The following CCDC22 variants were observed in gnomAD, a reference collection of about 807,000 sequenced individuals.
The protein encoded by CCDC22 is CCC complex scaffolding subunit CCDC22.
In CCDC22, 4 loss-of-function variants were observed where a neutral mutation model predicts 53.1. The ratio of observed to expected loss-of-function variants is 0.08; its 90% CI spans 0.04 to 0.17. CCDC22 has a LOEUF of 0.17. CCDC22 is among the 10% of genes least tolerant of loss of function. The pLI, the probability that CCDC22 is intolerant of heterozygous loss-of-function variation, is 1.00. For missense variants in CCDC22, 458 were observed against 554.0 expected, an observed-to-expected ratio of 0.83 and a Z score of 1.74; for synonymous variants, 222 against 224.4, an observed-to-expected ratio of 0.99 and a Z score of 0.10.
intron 6 of CCDC22, 77 bp downstream of exon 6, chrX:49,243,539 C>A: frequency 1.2e-6 from 1 of 810,828 alleles, no homozygotes; most frequent in Non-Finnish European, 1.7e-6. Flanking sequence ...GCTCTCCTTC[C>A]CCACTTTGTC....
intron 3 of CCDC22, chrX:49,242,423 C>G: frequency 1.8e-6 from 1 of 563,746 alleles, no homozygotes; most frequent in Non-Finnish European, 2.2e-6. Flanking sequence ...TCACTTCGCT[C>G]TAACCACTTG....
At position 49,243,460 on chromosome X, in the gene CCDC22, C is replaced by A; in HGVS notation, c.712C>A (p.Gln238Lys). 8.6e-7 allele frequency: 1 copy of A among 1,158,432 alleles called. No individual in the cohort carries two copies. Among genetic ancestry groups the A allele is most frequent in the East Asian group, 3.1e-5 (1 of 31,767 alleles). The change falls in exon 6 of 17, where the codon CAG (glutamine) becomes AAG (lysine). Residue 238 changes from glutamine (Q) to lysine (K), a missense_variant and splice_region_variant. Around this residue, in one of 4 missense-constraint regions of CCDC22, gnomAD observed 309 missense variants for 312.3 expected, o/e 0.99. Transcript: ENST00000376227. ...WVHRTSRLPP[Q>K]EDTRAQRQRL... ...CCACCGGACATCCCGCCTCCCACCC[C>A]AGGTACAGCCAGATGCCTGGCTCCC...
chrX:49,248,701 G>C lies in CCDC22; in HGVS notation c.1398G>C (p.Glu466Asp), dbSNP rs1557114808. 2.5e-6 allele frequency: 3 copies of C among 1,208,878 alleles called. No homozygotes were observed. The highest frequency in any genetic ancestry group is 3.4e-6 in the Non-Finnish European group (3 of 894,844). ...LHQSVRAAAEEARRKEEVYKQ... is the reference protein window; with the variant it reads ...LHQSVRAAAEDARRKEEVYKQ... Reference sequence around the variant, plus strand: ...AGAGTGTCCGGGCGGCTGCTGAAGAGGCCCGCAGGAAGGAGGAGGTCTATA... The same window carrying C: ...AGAGTGTCCGGGCGGCTGCTGAAGACGCCCGCAGGAAGGAGGAGGTCTATA... The change falls in exon 12 of 17, where the codon GAG (glutamate) becomes GAC (aspartate). Residue 466 changes from glutamate (E) to aspartate (D), a missense_variant. Physicochemically the swap from Glu to Asp is conservative, Grantham distance 45. Around this residue, in one of 4 missense-constraint regions of CCDC22, gnomAD observed 309 missense variants for 312.3 expected, o/e 0.99. Coordinates refer to ENST00000376227, the MANE Select transcript of CCDC22 (RefSeq NM_014008.5).
At chrX:49,243,591 TC>T (rs2065975027) in intron 6 of CCDC22, 129 bp downstream of exon 6, 2 of 523,389 alleles carry the variant, frequency 3.8e-6, no homozygotes, top group South Asian at 7.3e-5. Flanking sequence ...CTTACCTAGC[TC>T]CCCACCTGAA....
In CCDC22 at chrX:49,246,731, G is replaced by A. The variant is rs199809018; in HGVS notation, c.715G>A (p.Glu239Lys). The A allele has an allele frequency of 2.7e-3, 3,068 of 1,143,827 alleles. 11 individuals are homozygous for A. Among genetic ancestry groups the A allele is most frequent in the Non-Finnish European group, 3.4e-3 (2,900 of 861,293 alleles). The allele number at this position is 1,143,827 out of a possible 1,213,427, so 94.3% of individuals were successfully genotyped here. ...TGCTTCCCCCGCCTTTTCTCCCCAG[G>A]AGGACACACGGGCTCAGCGGCAGCG... ...VHRTSRLPPQ[E>K]DTRAQRQRLQ... is the part of the protein sequence containing the mutation. Residue 239 changes from glutamate to lysine, a missense_variant and splice_region_variant, in exon 7 of 17, where the codon GAG becomes AAG. By Grantham distance (56) the Glu-to-Lys change is moderately conservative. Transcript: ENST00000376227.
At position 49,235,575 on chromosome X, in the gene CCDC22, C is replaced by G. The variant is rs2065931859; in HGVS notation, c.-62C>G. The G allele has an allele frequency of 9.8e-7, 1 of 1,015,842 alleles. No homozygotes were observed. The highest frequency in any genetic ancestry group is 1.9e-5 in the African/African-American group (1 of 52,768). 83.7% of individuals were successfully genotyped at this position (1,015,842 alleles called of 1,213,427 possible). A position where few individuals can be genotyped will look rare whatever the true frequency, so the allele number is the denominator to read the frequency against. ...CGAGCACGGAGCAGGGTTTCTACAG[C>G]TGCTCCCCACTTTCTCGGACCCGGT... On this transcript the variant is annotated 5_prime_UTR_variant, in exon 1 of 17. Coordinates refer to ENST00000376227, the MANE Select transcript of CCDC22 (RefSeq NM_014008.5).
intron 6 of CCDC22, 116 bp downstream of exon 6, chrX:49,243,578 G>A: frequency 1.7e-6 from 1 of 596,701 alleles, no homozygotes; most frequent in Non-Finnish European, 2.5e-6. Context: ...CCCTCTGTGT[G>A]TGCTTACCTA....
At chrX:49,239,901 T>G (rs1412600750) in intron 2 of CCDC22, among the ~76,000 whole-genome samples, 1 of 110,049 alleles carries the variant, frequency 9.1e-6, no homozygotes, top group East Asian at 2.8e-4. Context: ...TTCACCTGCT[T>G]TTGCTTACAT....
chrX:49,248,858 G>T lies in CCDC22; in HGVS notation c.1473G>T (p.Leu491=). The change falls in exon 13 of 17, where the codon CTG becomes CTT. Residue 491 remains leucine, a synonymous_variant. Transcript: ENST00000376227. The stretch of plus-strand genomic sequence containing the variant: ...CTCTGCCCAGAGATGTGTCCCGGCT[G>T]GCCTACACCCAGCGCATCCTGGAGA... The part of the protein sequence containing the change: ...LETLPRDVSR[L]AYTQRILEIV... The T allele has an allele frequency of 8.3e-7, 1 of 1,211,191 alleles. No individual in the cohort carries two copies. The highest frequency in any genetic ancestry group is 1.1e-6 in the Non-Finnish European group (1 of 895,350).
chrX:49,247,794 G>A lies in CCDC22; in HGVS notation c.1092+26G>A, dbSNP rs201135855. 6.4e-5 allele frequency: 77 copies of A among 1,207,129 alleles called. No individual in the cohort carries two copies. In the East Asian group the frequency reaches 6.5e-4, roughly 10 times the overall value. On this transcript the variant is annotated intron_variant, in intron 9 of 16. Transcript: ENST00000376227. ...GTAAGGGGCGGAGGAGGGGCTGCGC[G>A]TTGGGCTAGGTCAGAAGGAGGGCCT...
Position 49,242,051 on chromosome X carries a change from C to T in CCDC22, c.264C>T (p.Asn88=). 8.3e-7 allele frequency: 1 copy of T among 1,210,939 alleles called. No individual in the cohort carries two copies. Among genetic ancestry groups the T allele is most frequent in the Non-Finnish European group, 1.1e-6 (1 of 895,118 alleles). ...LGYPLELGYQ[N]FLYPSEPDLR... is the part of the protein sequence containing the mutation. ...ATCCCTTGGAGCTTGGCTATCAGAA[C>T]TTCCTCTACCCCAGTGAGCCTGACC... is the stretch of plus-strand genomic sequence containing the variant. Residue 88 remains asparagine, a synonymous_variant, in exon 3 of 17, where the codon AAC becomes AAT. Transcript: ENST00000376227.
chrX:49,242,927 C>A lies in CCDC22; in HGVS notation c.403C>A (p.Arg135=). 1 of 1,170,081 alleles carries A rather than the reference C, an allele frequency of 8.5e-7. No individual in the cohort carries two copies. The highest frequency in any genetic ancestry group is 1.1e-6 in the Non-Finnish European group (1 of 873,349). The part of the protein sequence containing the change: ...ILLRAIGSQI[R]DQLALPWVPP... ...CCTCCGGGCCATTGGGAGCCAAATT[C>A]GGGACCAGCTGGCACTGCCTTGGGT... The change falls in exon 4 of 17, where the codon CGG becomes AGG. Residue 135 remains arginine (R), a synonymous_variant. Coordinates refer to ENST00000376227, the MANE Select transcript of CCDC22 (RefSeq NM_014008.5).
rs1557112523 is a variant in CCDC22 at position 49,235,645 on chromosome X, G to A, written c.9G>A (p.Glu3=). The change falls in exon 1 of 17, where the codon GAG becomes GAA. Residue 3 remains glutamate, a synonymous_variant. Transcript: ENST00000376227. ...TCCGACACGGCTCCACCATGGAGGA[G>A]GCGGACCGAATCCTCATCCATTCGC... The part of the protein sequence containing the change: ME[E]ADRILIHSLR... 1 of 1,182,710 alleles carries A rather than the reference G, an allele frequency of 8.5e-7. No homozygotes were observed. Among genetic ancestry groups the A allele is most frequent in the Admixed American group, 2.4e-5 (1 of 41,952 alleles).
At chrX:49,243,517 C>T (rs1236470423) in intron 6 of CCDC22, 55 bp downstream of exon 6, 16 of 963,861 alleles carry the variant, frequency 1.7e-5, no homozygotes, top group South Asian at 1.2e-4. Context: ...CTGACACTCC[C>T]GCTGGTCCTC....
In CCDC22 at chrX:49,248,717, G is replaced by A. The variant is rs1557114815; in HGVS notation, c.1414G>A (p.Glu472Lys). Residue 472 changes from glutamate (E) to lysine (K), a missense_variant, in exon 12 of 17, where the codon GAG (glutamate) becomes AAG (lysine). Physicochemically the swap from Glu to Lys is moderately conservative, Grantham distance 56. Coordinates refer to ENST00000376227, the MANE Select transcript of CCDC22 (RefSeq NM_014008.5). Reference protein sequence around the residue: ...AAAEEARRKEEVYKQLMSELE... With the variant: ...AAAEEARRKEKVYKQLMSELE... ...TGCTGAAGAGGCCCGCAGGAAGGAG[G>A]AGGTCTATAAGCAGCTGGTAAGGCC... The A allele has an allele frequency of 7.4e-6, 9 of 1,208,493 alleles. No homozygotes were observed. Among genetic ancestry groups the A allele is most frequent in the Non-Finnish European group, 1.0e-5 (9 of 894,616 alleles).
Position 49,248,875 on chromosome X carries a change from T to C in CCDC22, c.1490T>C (p.Ile497Thr). 1 of 1,210,660 alleles carries C rather than the reference T, an allele frequency of 8.3e-7. No homozygotes were observed. The highest frequency in any genetic ancestry group is 1.8e-5 in the South Asian group (1 of 56,774). Residue 497 changes from isoleucine to threonine, a missense_variant, in exon 13 of 17, where the codon ATC becomes ACC. Ile to Thr is a moderately conservative substitution (Grantham distance 89). Transcript: ENST00000376227. ...DVSRLAYTQR[I>T]LEIVGNIRKQ... ...TCCCGGCTGGCCTACACCCAGCGCA[T>C]CCTGGAGATCGTGGGCAACATCCGG...
intron 2 of CCDC22, among the ~76,000 whole-genome samples, chrX:49,241,507 A>T (rs1243456236): frequency 4.1e-5 from 4 of 96,948 alleles, no homozygotes; most frequent in Non-Finnish European, 8.6e-5. Context: ...AAAAAAAAAA[A>T]GGAAAAAGGC....
intron 3 of CCDC22, among the ~76,000 whole-genome samples, chrX:49,242,603 G>C (rs782580147): frequency 9.9e-5 from 11 of 111,298 alleles, no homozygotes; most frequent in African/African-American, 3.3e-4. Flanking sequence ...AGTCTGGATG[G>C]TATTCAGGAT....
intron 15 of CCDC22, 36 bp from the exon 16 acceptor site, chrX:49,249,615 G>GGGGGGGGGGGGGGA: frequency 9.8e-6 from 4 of 406,718 alleles, no homozygotes; most frequent in East Asian, 7.5e-5. Flanking sequence ...GGGTGGGTGG[G>GGGGGGGGGGGGGGA]ACTGGGTGCA....
Sources: gnomAD v4.1 joint callset for allele counts (sites outside exome capture counted in the v4.1 genomes callset) on GRCh38, gnomAD v4.1.1 for gene constraint, gnomAD v4.1.1 regional missense constraint, MANE v1.5 for transcripts, NCBI Gene and HGNC (gene_info 2026-07-23, HGNC 2026-07-21) for gene names.